PFKFB2: variants seen among roughly 807,000 people sequenced by gnomAD.
PFKFB2 encodes the protein 6-phosphofructo-2-kinase/fructose-2,6-biphosphatase 2.
PFKFB2 carries 53 observed loss-of-function variants against 68.0 expected under a neutral mutation model. The ratio of observed to expected loss-of-function variants is 0.78; its 90% CI spans 0.63 to 0.98. The LOEUF is 0.98. Among genes scored for constraint, PFKFB2 ranks in the 50% least tolerant of loss-of-function variants. PFKFB2 has a pLI of 0.00. For synonymous variants in PFKFB2, 222 were observed against 227.6 expected (o/e 0.98, Z 0.22); for missense variants, 451 against 642.0 (o/e 0.70, Z 3.22).
At position 207,042,549 on chromosome 1, in the gene PFKFB2, CAAAAAAA is replaced by C. The variant is rs57077682; in HGVS notation, c.-18+363_-18+369del. On this transcript the variant is annotated intron_variant, in intron 2 of 5. Coordinates refer to the PFKFB2 transcript ENST00000545806. The stretch of plus-strand genomic sequence containing the variant: ...GGCGACACAGCAACACTCTGTCTCA[CAAAAAAA>C]AAAAAAAAAAAAAAAAAAAAAAAAA... Among the ~76,000 whole-genome samples the C allele has an allele frequency of 6.0e-4, 27 of 44,712 alleles. No homozygotes were observed. In the South Asian group the frequency reaches 6.0e-3, roughly 10 times the overall value. 29.3% of individuals were successfully genotyped at this position (44,712 alleles called of 152,430 possible).
In PFKFB2 at chr1:207,054,750, C is replaced by T; in HGVS notation, c.33C>T (p.Asn11=). MSGASSSEQN[N]NSYETKTPNL... is the part of the protein sequence containing the mutation. ...GGGCATCTTCCTCAGAACAGAACAACAACAGCTATGAAACCAAAACCCCAA... is the reference window on the plus strand; with the variant it reads ...GGGCATCTTCCTCAGAACAGAACAATAACAGCTATGAAACCAAAACCCCAA... Residue 11 remains asparagine, a synonymous_variant, in exon 2 of 15, where the codon AAC becomes AAT. Transcript: ENST00000367080. 6.2e-7 allele frequency: 1 copy of T among 1,613,926 alleles called. No individual in the cohort carries two copies. Among genetic ancestry groups the T allele is most frequent in the Non-Finnish European group, 8.5e-7 (1 of 1,179,884 alleles).
At chr1:207,066,199 T>C (rs1683284456) in intron 8 of PFKFB2, among the ~76,000 whole-genome samples, 1 of 152,176 alleles carries the variant, frequency 6.6e-6, no homozygotes, top group South Asian at 2.1e-4. Context: ...TAGATTAACT[T>C]GTCATGTGTG....
downstream of PFKFB2, chr1:207,080,229 T>TG (rs1683728230): frequency 4.6e-3 from 1 of 216 alleles, no homozygotes; most frequent in Non-Finnish European, 9.3e-3. Flanking sequence ...AAGGAAAGTC[T>TG]ATTTTTTAAA....
chr1:207,052,088 G>T, upstream of PFKFB2: 1 of 1,013,020 alleles, frequency 9.9e-7, no homozygotes. Flanking sequence ...CCGGGATTCA[G>T]ACAGCAAGTC....
chr1:207,063,928 G>C lies in PFKFB2; in HGVS notation c.507+99G>C, dbSNP rs138861272. ...GTGTGTGTGTGTGTTGTTGGGGAGG[G>C]GTGTTTTCGTAATGAAAGAGAGAAA... is the stretch of plus-strand genomic sequence containing the variant. On this transcript the variant is annotated intron_variant, in intron 7 of 14. Transcript: ENST00000367080. This position sits in a 1 kb window ranked among gnomAD's most constrained non-coding sequence, Gnocchi z 4.1. 3,807 of 548,794 alleles carry C rather than the reference G, an allele frequency of 6.9e-3. 59 individuals carry two copies. The highest frequency in any genetic ancestry group is 0.054 in the African/African-American group (2,663 of 49,202). The allele number at this position is 548,794 out of a possible 1,614,324, so 34.0% of individuals were successfully genotyped here. A position where few individuals can be genotyped will look rare whatever the true frequency, so the allele number is the denominator to read the frequency against.
rs879711964 is a variant in PFKFB2, at chr1:207,073,648, G to T, written c.*1277G>T. On this transcript the variant is annotated 3_prime_UTR_variant, in exon 15 of 15. Transcript: ENST00000367080. ...AAACTATCTCATCTTGATGTCCAGA[G>T]AAGTCCTTGGAACCCTGTGGGATCT... 5.7e-5 allele frequency: 56 copies of T among 983,516 alleles called. No homozygotes were observed. The highest frequency in any genetic ancestry group is 5.2e-4 in the Middle Eastern group (1 of 1,932). 60.9% of individuals were successfully genotyped at this position (983,516 alleles called of 1,614,324 possible).
chr1:207,071,264 T>C lies in PFKFB2; in HGVS notation c.1285+14T>C. ...CTGTGGCCTATGGTAACTATGCACATAGGGGCTGGCAGGAGCTGGGAATTG... is the reference window on the plus strand; with the variant it reads ...CTGTGGCCTATGGTAACTATGCACACAGGGGCTGGCAGGAGCTGGGAATTG... On this transcript the variant is annotated intron_variant, in intron 13 of 14. Coordinates refer to ENST00000367080, the MANE Select transcript of PFKFB2 (RefSeq NM_006212.2). The C allele has an allele frequency of 6.2e-7, 1 of 1,605,894 alleles. No individual in the cohort carries two copies. Among genetic ancestry groups the C allele is most frequent in the South Asian group, 1.1e-5 (1 of 90,868 alleles).
At chr1:207,049,030 C>G (rs147110080), upstream of PFKFB2, 682 of 1,613,250 alleles carry the variant, frequency 4.2e-4, 2 homozygotes, top group Admixed American at 9.7e-4. Flanking sequence ...TCACACTTCT[C>G]CAAAGTTGGT....
rs1683542756 is a variant in PFKFB2 at position 207,073,883 on chromosome 1, T to C, written c.*1512T>C. 1 of 984,820 alleles carries C rather than the reference T, an allele frequency of 1.0e-6. No individual in the cohort carries two copies. The highest frequency in any genetic ancestry group is 1.7e-5 in the African/African-American group (1 of 57,234). The allele number at this position is 984,820 out of a possible 1,614,324, so 61.0% of individuals were successfully genotyped here. ...GTTCTCATGGGATTTTAAAAAGAGATAGGTGACTCCCCACCTTAAAGTTAT... is the reference window on the plus strand; with the variant it reads ...GTTCTCATGGGATTTTAAAAAGAGACAGGTGACTCCCCACCTTAAAGTTAT... On this transcript the variant is annotated 3_prime_UTR_variant, in exon 15 of 15. Transcript: ENST00000367080.
At chr1:207,049,089 T>A, upstream of PFKFB2, 1 of 1,613,938 alleles carries the variant, frequency 6.2e-7, no homozygotes, top group Non-Finnish European at 8.5e-7. Context: ...GTCCAGTTAA[T>A]CCTTTCTGAC....
chr1:207,034,952 A>G lies in PFKFB2; in HGVS notation c.-62+480A>G, dbSNP rs567768987. 250 of 156,190 alleles carry G rather than the reference A, an allele frequency of 1.6e-3. 2 individuals carry two copies. Among genetic ancestry groups the G allele is most frequent in the African/African-American group, 5.8e-3 (242 of 41,650 alleles). 9.7% of individuals were successfully genotyped at this position (156,190 alleles called of 1,614,324 possible). ...TTGTTTTATTTTTGCTTAGAAATATACCAAGTCTCTAACATTCCAAGAGAG... is the reference window on the plus strand; with the variant it reads ...TTGTTTTATTTTTGCTTAGAAATATGCCAAGTCTCTAACATTCCAAGAGAG... On this transcript the variant is annotated intron_variant, in intron 1 of 5. Transcript: ENST00000545806.
chr1:207,035,698 G>A (rs1253832205), intron 1 of PFKFB2, among the ~76,000 whole-genome samples: 1 of 151,710 alleles, frequency 6.6e-6, no homozygotes, highest in Non-Finnish European at 1.5e-5. Context: ...AAAGAAAAGA[G>A]GTTTGTTTTG....
rs1226526537 is a variant in PFKFB2, at chr1:207,074,059, T to C, written c.*1688T>C. On this transcript the variant is annotated 3_prime_UTR_variant, in exon 15 of 15. Coordinates refer to ENST00000367080, the MANE Select transcript of PFKFB2 (RefSeq NM_006212.2). The stretch of plus-strand genomic sequence containing the variant: ...GATTGTTGAATCATAAACATGCCTG[T>C]GTCCACCTTATGCTTAATACTGACT... 1.1e-6 allele frequency: 1 copy of C among 902,864 alleles called. No individual in the cohort carries two copies. Among genetic ancestry groups the C allele is most frequent in the Non-Finnish European group, 1.3e-6 (1 of 754,766 alleles). The allele number at this position is 902,864 out of a possible 1,614,324, so 55.9% of individuals were successfully genotyped here.
At chr1:207,047,660 G>GT (rs1398046228) in intron 2 of PFKFB2, 1 of 152,640 alleles carries the variant, frequency 6.6e-6, no homozygotes, top group Non-Finnish European at 1.5e-5. Flanking sequence ...GGAAGATCTT[G>GT]TAGTGAAGCT....
chr1:207,065,361 T>A, intron 8 of PFKFB2: 1 of 967,574 alleles, frequency 1.0e-6, no homozygotes, highest in Non-Finnish European at 1.2e-6. Flanking sequence ...TTGGTTTTGT[T>A]TTGTTTTGAG....
chr1:207,049,740 A>G, upstream of PFKFB2: 6 of 1,593,802 alleles, frequency 3.8e-6, no homozygotes, highest in Non-Finnish European at 5.1e-6. Flanking sequence ...AAAATAAAAC[A>G]AATCCCGATC....
At position 207,077,012 on chromosome 1, in the gene PFKFB2, T is replaced by C; in HGVS notation, c.*4641T>C. On this transcript the variant is annotated 3_prime_UTR_variant, in exon 15 of 15. Coordinates refer to ENST00000367080, the MANE Select transcript of PFKFB2 (RefSeq NM_006212.2). ...TGATTTTAAATAGATATTTCTTATA[T>C]AGTAGTGGCCAAATTCTCATTATTT... 1.0e-6 allele frequency: 1 copy of C among 980,634 alleles called. No individual in the cohort carries two copies. Among genetic ancestry groups the C allele is most frequent in the South Asian group, 4.7e-5 (1 of 21,200 alleles). 60.7% of individuals were successfully genotyped at this position (980,634 alleles called of 1,614,324 possible).
chr1:207,037,227 C>T (rs937428775), intron 1 of PFKFB2, among the ~76,000 whole-genome samples: 1 of 152,162 alleles, frequency 6.6e-6, no homozygotes, highest in Non-Finnish European at 1.5e-5. Flanking sequence ...ACACAGCTGG[C>T]CACTTTCAGT....
chr1:207,050,594 T>G (rs1682716296), upstream of PFKFB2: 2 of 1,552,354 alleles, frequency 1.3e-6, no homozygotes, highest in African/African-American at 1.4e-5. Flanking sequence ...CCCCGCCGAC[T>G]CACAGCCACC....
Sources: allele counts gnomAD v4.1 joint callset (sites outside exome capture counted in the v4.1 genomes callset), GRCh38; gene constraint gnomAD v4.1.1; non-coding constraint Gnocchi (gnomAD v3.1); transcripts MANE v1.5; gene names NCBI Gene and HGNC (gene_info 2026-07-23, HGNC 2026-07-21).